AMMECR1: variants seen among roughly 807,000 people sequenced by gnomAD.
The protein encoded by AMMECR1 is nuclear protein AMMECR1.
In AMMECR1, 3 loss-of-function variants were observed where a neutral mutation model predicts 22.5. The ratio of observed to expected loss-of-function variants is 0.13; its 90% confidence interval spans 0.06 to 0.35. AMMECR1 has a LOEUF of 0.35. Among genes scored for constraint, AMMECR1 ranks in the 10% least tolerant of loss-of-function variants. The pLI is 1.00. For synonymous variants in AMMECR1, 130 were observed against 116.7 expected, an observed-to-expected ratio of 1.11 and a Z score of -0.74; for missense variants, 235 against 278.7, an observed-to-expected ratio of 0.84 and a Z score of 1.12.
At chrX:110,320,542 G>GAGTCAATT (rs2068074979), upstream of AMMECR1, among the ~76,000 whole-genome samples, 2 of 112,014 alleles carry the variant, frequency 1.8e-5, no homozygotes, top group African/African-American at 3.3e-5. Context: ...AATTTGGCCA[G>GAGTCAATT]TAGACAAGAG....
chrX:110,359,304 T>C (rs1403102918), intron 2 of AMMECR1, among the ~76,000 whole-genome samples: 8 of 111,703 alleles, frequency 7.2e-5, no homozygotes, highest in Admixed American at 6.7e-4. Flanking sequence ...TGGCTTTTTT[T>C]TCACCCATGA....
At chrX:110,363,945 T>C (rs1235456279) in intron 2 of AMMECR1, among the ~76,000 whole-genome samples, 2 of 112,117 alleles carry the variant, frequency 1.8e-5, no homozygotes, top group Non-Finnish European at 3.8e-5. Context: ...CTTAAGCCCA[T>C]AAAACGGAAT....
At chrX:110,252,732 T>G (rs767767210) in intron 2 of AMMECR1, among the ~76,000 whole-genome samples, 2 of 112,752 alleles carry the variant, frequency 1.8e-5, no homozygotes, top group Admixed American at 9.4e-5. Context: ...ATTTTCTGAA[T>G]GCCTACTATG....
rs773829134 is a variant in AMMECR1 at position 110,247,687 on chromosome X, G to C, written c.584+16802C>G. On this transcript the variant is annotated intron_variant, in intron 2 of 5. Transcript: ENST00000262844. ...GCCTAGGCAACAGGAGTGAAACCCTGTCTCAAAAAAAAAAAAACAAACAAA... is the reference window on the plus strand; with the variant it reads ...GCCTAGGCAACAGGAGTGAAACCCTCTCTCAAAAAAAAAAAAACAAACAAA... 4.5e-3 allele frequency among the ~76,000 whole-genome samples: 480 copies of C among 107,088 alleles called. 3 individuals are homozygous for C. Among genetic ancestry groups the C allele is most frequent in the African/African-American group, 0.016 (466 of 29,279 alleles). The allele number at this position is 107,088 out of a possible 115,157, so 93.0% of individuals were successfully genotyped here.
intron 2 of AMMECR1, 25 bp from the exon 3 acceptor site, chrX:110,216,657 A>G: frequency 1.0e-6 from 1 of 1,001,536 alleles, no homozygotes; most frequent in East Asian, 3.1e-5. Context: ...GCAAATATTA[A>G]AGCAATCACT....
rs1235159988 is a variant in AMMECR1 at position 110,326,972 on chromosome X, G to T, written c.-147-9123C>A. ...AGGTCAGGAAAAGGAAAGAATTTAT[G>T]ATTATGACTAGATTTCTGGTTTGGG... On this transcript the variant is annotated intron_variant, in intron 2 of 7. Transcript: ENST00000372057. Among the ~76,000 whole-genome samples, 3 of 112,016 alleles carry T rather than the reference G, an allele frequency of 2.7e-5. No homozygotes were observed. The East Asian group carries it at 8.3e-4, about 31-fold the overall frequency.
rs1408004532 is a variant in AMMECR1 at position 110,194,472 on chromosome X, G to A, written c.*4048C>T. ...GATGTCTTACGGTAATCAAAAAACAGGTTACTAAGAAAGAAGGAAAAGAGG... is the reference window on the plus strand; with the variant it reads ...GATGTCTTACGGTAATCAAAAAACAAGTTACTAAGAAAGAAGGAAAAGAGG... On this transcript the variant is annotated 3_prime_UTR_variant, in exon 6 of 6. Coordinates refer to ENST00000262844, the MANE Select transcript of AMMECR1 (RefSeq NM_015365.3). The A allele has an allele frequency of 2.7e-5, 3 of 111,812 alleles. No homozygotes were observed. The highest frequency in any genetic ancestry group is 5.6e-5 in the Non-Finnish European group (3 of 53,132). 9.2% of individuals were successfully genotyped at this position (111,812 alleles called of 1,213,427 possible).
At chrX:110,378,321 C>T (rs1452082648) in intron 2 of AMMECR1, among the ~76,000 whole-genome samples, 2 of 111,190 alleles carry the variant, frequency 1.8e-5, no homozygotes, top group African/African-American at 6.6e-5. Context: ...GGGCAGTACC[C>T]TAGTTCAGTT....
intron 1 of AMMECR1, among the ~76,000 whole-genome samples, chrX:110,436,570 C>G (rs2068840123): frequency 1.8e-5 from 2 of 112,088 alleles, no homozygotes; most frequent in African/African-American, 6.5e-5. Flanking sequence ...CTCTTTCTTG[C>G]TGAGCAGAGA....
chrX:110,397,082 G>A (rs967315078), intron 2 of AMMECR1, among the ~76,000 whole-genome samples: 2 of 112,041 alleles, frequency 1.8e-5, no homozygotes, highest in African/African-American at 6.5e-5. Context: ...TCCCAGAGCA[G>A]CCACAGTCTG....
intron 2 of AMMECR1, among the ~76,000 whole-genome samples, chrX:110,252,175 T>C (rs1254985591): frequency 1.8e-5 from 2 of 111,389 alleles, no homozygotes; most frequent in Non-Finnish European, 3.8e-5. Context: ...TTCCCTTGGG[T>C]CACAAAGCTA....
intron 2 of AMMECR1, among the ~76,000 whole-genome samples, chrX:110,252,662 C>A (rs1269631913): frequency 1.8e-5 from 2 of 112,092 alleles, no homozygotes; most frequent in African/African-American, 3.2e-5. Context: ...AAGAATTATA[C>A]TTTATAATCC....
chrX:110,409,450 A>T (rs1353147655), intron 2 of AMMECR1, among the ~76,000 whole-genome samples: 1 of 111,758 alleles, frequency 8.9e-6, no homozygotes, highest in Non-Finnish European at 1.9e-5. Context: ...CTACCTAAAA[A>T]GAGGGCTGTT....
intron 2 of AMMECR1, among the ~76,000 whole-genome samples, chrX:110,423,376 GA>G (rs2068732609): frequency 9.2e-6 from 1 of 108,726 alleles, no homozygotes; most frequent in Non-Finnish European, 1.9e-5. Flanking sequence ...AGAAGGAGAA[GA>G]AGGAGAAGGA....
intron 2 of AMMECR1, among the ~76,000 whole-genome samples, chrX:110,421,513 C>T (rs947587706): frequency 1.8e-5 from 2 of 112,562 alleles, no homozygotes; most frequent in African/African-American, 6.5e-5. Context: ...TTGCAATTGT[C>T]AGTATGCTTA....
intron 2 of AMMECR1, among the ~76,000 whole-genome samples, chrX:110,423,268 C>T (rs1189909947): frequency 9.3e-6 from 1 of 107,743 alleles, no homozygotes; most frequent in African/African-American, 3.4e-5. Flanking sequence ...GTTGAGGTTG[C>T]AGTGAGCCAA....
intron 2 of AMMECR1, among the ~76,000 whole-genome samples, chrX:110,332,760 A>G (rs1462371569): frequency 9.0e-6 from 1 of 111,523 alleles, no homozygotes; most frequent in Non-Finnish European, 1.9e-5. Context: ...GACTTGTCCC[A>G]GAGGGTTAAC....
intron 2 of AMMECR1, among the ~76,000 whole-genome samples, chrX:110,385,101 A>G (rs915910175): frequency 1.8e-5 from 2 of 111,326 alleles, no homozygotes; most frequent in Non-Finnish European, 3.8e-5. Context: ...CTAGATCCAG[A>G]TGGCCTGAAT....
intron 2 of AMMECR1, among the ~76,000 whole-genome samples, chrX:110,422,168 T>C (rs2068721871): frequency 8.9e-6 from 1 of 112,841 alleles, no homozygotes; most frequent in African/African-American, 3.2e-5. Context: ...TGTCTCTTTT[T>C]CCCTGTCCAG....
Sources: allele counts gnomAD v4.1 joint callset (sites outside exome capture counted in the v4.1 genomes callset), GRCh38; gene constraint gnomAD v4.1.1; transcripts MANE v1.5; gene names NCBI Gene and HGNC (gene_info 2026-07-23, HGNC 2026-07-21).